Variants in MINDY3 observed in about 807,000 individuals in gnomAD.
The protein encoded by MINDY3 is MINDY lysine 48 deubiquitinase 3, also known as ubiquitin carboxyl-terminal hydrolase MINDY-3.
A neutral mutation model predicts 69.2 loss-of-function variants in MINDY3; 38 were observed. That is an observed-to-expected ratio of 0.55 (90% CI 0.42 to 0.72). MINDY3 has a LOEUF of 0.72. MINDY3 is among the 30% of genes least tolerant of loss of function. MINDY3 has a pLI of 0.00. For synonymous variants in MINDY3, 192 were observed against 180.1 expected, an observed-to-expected ratio of 1.07 and a Z score of -0.53; for missense variants, 522 against 519.0, an observed-to-expected ratio of 1.01 and a Z score of -0.06.
intron 11 of MINDY3, among the ~76,000 whole-genome samples, chr10:15,794,417 G>A (rs559197926): frequency 2.4e-4 from 36 of 152,046 alleles, no homozygotes; most frequent in African/African-American, 6.5e-4. Context: ...GCTAAACCAC[G>A]AACAGTGTGA....
intron 1 of MINDY3, among the ~76,000 whole-genome samples, chr10:15,852,338 G>C (rs1002121591): frequency 1.3e-5 from 2 of 152,212 alleles, no homozygotes; most frequent in South Asian, 2.1e-4. Context: ...TCTCAAAAAT[G>C]TGAGATAACC....
chr10:15,819,063 G>A lies in MINDY3; in HGVS notation c.802-2148C>T, dbSNP rs185984174. On this transcript the variant is annotated intron_variant, in intron 9 of 14. Transcript: ENST00000277632. ...ACCTTATTCTTTGTTGGGTTTGTAC[G>A]TGTGTGTTGAGAGGGAGAGTGCAGG... Among the ~76,000 whole-genome samples the A allele has an allele frequency of 3.3e-5, 5 of 152,276 alleles. No homozygotes were observed. In the East Asian group the frequency reaches 5.8e-4, roughly 18 times the overall value.
intron 9 of MINDY3, among the ~76,000 whole-genome samples, chr10:15,821,189 A>T (rs888771824): frequency 1.3e-5 from 2 of 152,180 alleles, no homozygotes; most frequent in Admixed American, 1.3e-4. Flanking sequence ...AAATGCTTGA[A>T]ATTTTTTTCA....
intron 2 of MINDY3, among the ~76,000 whole-genome samples, chr10:15,845,813 ATTTTTTT>A (rs891710697): frequency 4.7e-4 from 23 of 49,334 alleles, no homozygotes; most frequent in East Asian, 5.7e-4. Flanking sequence ...GGCCTATGTG[ATTTTTTT>A]TTTTTTTTTT....
intron 14 of MINDY3, 67 bp downstream of exon 14, chr10:15,782,088 T>G: frequency 8.8e-7 from 1 of 1,138,682 alleles, no homozygotes; most frequent in Admixed American, 1.9e-5. Context: ...AATCGAACAT[T>G]GTTACATACT....
chr10:15,807,938 A>G (rs541269274), intron 10 of MINDY3, among the ~76,000 whole-genome samples: 1 of 152,330 alleles, frequency 6.6e-6, no homozygotes, highest in South Asian at 2.1e-4. Flanking sequence ...TCTGGTCAAA[A>G]TAATTAAAAA....
At chr10:15,829,852 C>A (rs954700258) in intron 8 of MINDY3, among the ~76,000 whole-genome samples, 3 of 152,166 alleles carry the variant, frequency 2.0e-5, no homozygotes, top group African/African-American at 4.8e-5. Context: ...AACCTCAATG[C>A]ACAGGTAAGA....
At chr10:15,845,813 ATTT>A (rs891710697) in intron 2 of MINDY3, among the ~76,000 whole-genome samples, 1,412 of 49,330 alleles carry the variant, frequency 0.029, 41 homozygotes, top group African/African-American at 0.11. Context: ...GGCCTATGTG[ATTT>A]TTTTTTTTTT....
intron 10 of MINDY3, among the ~76,000 whole-genome samples, chr10:15,798,615 A>G (rs1460956491): frequency 6.6e-6 from 1 of 152,048 alleles, no homozygotes; most frequent in African/African-American, 2.4e-5. Flanking sequence ...CCCCATCTCT[A>G]CTACAAATAC....
intron 7 of MINDY3, 98 bp from the exon 8 acceptor site, chr10:15,833,807 T>C: frequency 1.2e-6 from 1 of 805,932 alleles, no homozygotes. Context: ...TCACATTAAA[T>C]TATGTAAGAA....
chr10:15,801,424 A>C (rs1315235026), intron 10 of MINDY3, among the ~76,000 whole-genome samples: 1 of 152,134 alleles, frequency 6.6e-6, no homozygotes, highest in Non-Finnish European at 1.5e-5. Context: ...CAGTTCTATC[A>C]ATGCTGTGTA....
chr10:15,827,588 T>TA (rs917105139), intron 8 of MINDY3, among the ~76,000 whole-genome samples: 7 of 151,714 alleles, frequency 4.6e-5, no homozygotes, highest in East Asian at 3.9e-4. Context: ...GCCTTGGATA[T>TA]AAAAAAATAT....
At chr10:15,784,213 A>G (rs1057354382) in intron 13 of MINDY3, among the ~76,000 whole-genome samples, 1 of 152,180 alleles carries the variant, frequency 6.6e-6, no homozygotes, top group Non-Finnish European at 1.5e-5. Flanking sequence ...TGCCTGATGG[A>G]GAGTATGTGC....
intron 1 of MINDY3, among the ~76,000 whole-genome samples, chr10:15,848,639 AAAAAAAAAAAAAAAAAAAAAAAAG>A (rs1016506510): frequency 7.3e-6 from 1 of 136,518 alleles, no homozygotes; most frequent in African/African-American, 2.8e-5. Context: ...ATCTCAAAAA[AAAAAAAAAAAAAAAAAAAAAAAAG>A]AAAGAAAAAT....
At chr10:15,857,877 TATAA>T in intron 1 of MINDY3, 1 of 850,200 alleles carries the variant, frequency 1.2e-6, no homozygotes, top group Non-Finnish European at 1.4e-6. Flanking sequence ...GACATAATTG[TATAA>T]ATATTCATGC....
chr10:15,856,215 C>T (rs1214448703), intron 1 of MINDY3, among the ~76,000 whole-genome samples: 7 of 151,950 alleles, frequency 4.6e-5, no homozygotes, highest in East Asian at 1.9e-4. Context: ...TACCCAAACA[C>T]GCCTTTAAAC....
rs1023180504 is a variant in MINDY3 at position 15,796,181 on chromosome 10, A to G, written c.883-9T>C. Reference sequence around the variant, plus strand: ...GCAACTAAAGCCATATCCTGAAAAGATAAGAAGCATGTTGTCAACCAGCTA... The same window carrying G: ...GCAACTAAAGCCATATCCTGAAAAGGTAAGAAGCATGTTGTCAACCAGCTA... On this transcript the variant is annotated splice_polypyrimidine_tract_variant and intron_variant, in intron 10 of 14. Coordinates refer to ENST00000277632, the MANE Select transcript of MINDY3 (RefSeq NM_024948.4). 2.5e-6 allele frequency: 4 copies of G among 1,610,600 alleles called. No homozygotes were observed. Among genetic ancestry groups the G allele is most frequent in the Admixed American group, 1.7e-5 (1 of 59,902 alleles).
At chr10:15,849,052 C>T (rs1458175257) in intron 1 of MINDY3, among the ~76,000 whole-genome samples, 1 of 152,020 alleles carries the variant, frequency 6.6e-6, no homozygotes, top group African/African-American at 2.4e-5. Context: ...TGAAGAGAGA[C>T]ATACAAACAG....
At chr10:15,836,153 A>C (rs996514055) in intron 6 of MINDY3, among the ~76,000 whole-genome samples, 2 of 152,034 alleles carry the variant, frequency 1.3e-5, no homozygotes, top group Admixed American at 1.3e-4. Context: ...CTTATGCTAC[A>C]GTAAGGCTCA....
Sources: gnomAD v4.1 joint callset for allele counts (sites outside exome capture counted in the v4.1 genomes callset) on GRCh38, gnomAD v4.1.1 for gene constraint, MANE v1.5 for transcripts, NCBI Gene and HGNC (gene_info 2026-07-23, HGNC 2026-07-21) for gene names.